ST7: variants seen among roughly 807,000 people sequenced by gnomAD.
ST7 encodes the protein suppression of tumorigenicity 7.
In ST7, 28 loss-of-function variants were observed where a neutral mutation model predicts 78.7. The observed-to-expected ratio is 0.36, with a 90% CI of 0.26 to 0.49. ST7 has a LOEUF of 0.49. ST7 is among the 20% of genes least tolerant of loss of function. The pLI is 0.99. For missense variants in ST7, 418 were observed against 696.0 expected, an observed-to-expected ratio of 0.60 and a Z score of 4.49; for synonymous variants, 247 against 249.6, an observed-to-expected ratio of 0.99 and a Z score of 0.10.
At chr7:116,985,814 C>G (rs1794164994) in intron 1 of ST7, among the ~76,000 whole-genome samples, 1 of 152,164 alleles carries the variant, frequency 6.6e-6, no homozygotes, top group African/African-American at 2.4e-5. Flanking sequence ...GAAATAAATA[C>G]TTTGGTGATT....
intron 5 of ST7, 50 bp from the exon 6 acceptor site, chr7:117,131,835 C>T (rs1804383492): frequency 1.3e-6 from 2 of 1,493,938 alleles, no homozygotes; most frequent in Non-Finnish European, 1.9e-6. Context: ...ACTGAGTCTA[C>T]CTAATTATAT....
rs186087851 is a variant in ST7 at position 116,996,257 on chromosome 7, A to G, written c.151+42566A>G. 3.8e-3 allele frequency among the ~76,000 whole-genome samples: 570 copies of G among 151,874 alleles called. 1 individual carries two copies. Among genetic ancestry groups the G allele is most frequent in the Non-Finnish European group, 6.8e-3 (459 of 67,920 alleles). Reference sequence around the variant, plus strand: ...CCACCACACCCGGCTAATTTTTTGTATTTTTAGTAGAGATGGGGTTTCACT... The same window carrying G: ...CCACCACACCCGGCTAATTTTTTGTGTTTTTAGTAGAGATGGGGTTTCACT... On this transcript the variant is annotated intron_variant, in intron 1 of 15. Transcript: ENST00000323984.
intron 1 of ST7, among the ~76,000 whole-genome samples, chr7:117,008,054 CCAGAGACAAAAAAG>C (rs1396997742): frequency 6.6e-6 from 1 of 152,004 alleles, no homozygotes; most frequent in Non-Finnish European, 1.5e-5. Flanking sequence ...TTTCAAAAAA[CCAGAGACAAAAAAG>C]CAGAGAGGAA....
At chr7:117,042,814 A>C (rs1042992121) in intron 1 of ST7, among the ~76,000 whole-genome samples, 1 of 151,986 alleles carries the variant, frequency 6.6e-6, no homozygotes, top group Non-Finnish European at 1.5e-5. Flanking sequence ...TCTTTGATCC[A>C]GTTAGAGGTT....
intron 9 of ST7, among the ~76,000 whole-genome samples, chr7:117,142,671 G>C (rs1805420034): frequency 6.6e-6 from 1 of 152,112 alleles, no homozygotes; most frequent in Admixed American, 6.5e-5. Context: ...GAATACAGTG[G>C]CATGATCTTG....
chr7:117,020,463 T>C, intron 1 of ST7: 1 of 900,272 alleles, frequency 1.1e-6, no homozygotes, highest in Non-Finnish European at 1.6e-6. Flanking sequence ...GGACACAGCT[T>C]GGACTGCATT....
intron 1 of ST7, among the ~76,000 whole-genome samples, chr7:117,090,103 T>G (rs1249799413): frequency 6.6e-6 from 1 of 152,126 alleles, no homozygotes; most frequent in East Asian, 1.9e-4. Flanking sequence ...TTTCTGAGGG[T>G]TCTACATAGC....
rs946257171 is a variant in ST7, at chr7:117,093,301, A to G, written c.152-6461A>G. Among the ~76,000 whole-genome samples, 7 of 152,336 alleles carry G rather than the reference A, an allele frequency of 4.6e-5. 1 individual carries two copies. In the South Asian group the frequency reaches 1.2e-3, roughly 27 times the overall value. Reference sequence around the variant, plus strand: ...TGTACACTGTAGCACAGTGCTTGGCACATAGAAGATGCTCAGTTAATGCTA... The same window carrying G: ...TGTACACTGTAGCACAGTGCTTGGCGCATAGAAGATGCTCAGTTAATGCTA... On this transcript the variant is annotated intron_variant, in intron 1 of 15. Transcript: ENST00000323984.
intron 1 of ST7, among the ~76,000 whole-genome samples, chr7:116,983,599 T>G (rs971951457): frequency 2.0e-5 from 3 of 152,110 alleles, no homozygotes; most frequent in Admixed American, 2.0e-4. Flanking sequence ...CCCCCTGTTC[T>G]TATACCCTCC....
chr7:117,036,023 G>A (rs1796879305), intron 1 of ST7, among the ~76,000 whole-genome samples: 1 of 152,170 alleles, frequency 6.6e-6, no homozygotes. Context: ...TAGGATATTA[G>A]CGTTATAAGC....
intron 1 of ST7, among the ~76,000 whole-genome samples, chr7:117,090,425 T>A (rs1310690325): frequency 6.6e-6 from 1 of 152,238 alleles, no homozygotes; most frequent in Non-Finnish European, 1.5e-5. Flanking sequence ...TTATCAAACA[T>A]TGAGTACTGT....
intron 15 of ST7, among the ~76,000 whole-genome samples, chr7:117,225,814 G>A (rs1353122842): frequency 3.3e-5 from 5 of 152,188 alleles, no homozygotes; most frequent in African/African-American, 1.2e-4. Context: ...CAGTCCATAA[G>A]GAAGCCCACA....
intron 9 of ST7, among the ~76,000 whole-genome samples, chr7:117,155,322 CCATGT>C (rs1806602396): frequency 6.6e-6 from 1 of 152,140 alleles, no homozygotes; most frequent in Non-Finnish European, 1.5e-5. Flanking sequence ...CAGGGAGCAG[CCATGT>C]CATTTAGGGC....
chr7:117,067,962 C>A (rs1798727663), intron 1 of ST7, among the ~76,000 whole-genome samples: 1 of 152,156 alleles, frequency 6.6e-6, no homozygotes, highest in African/African-American at 2.4e-5. Flanking sequence ...ATGAAGCTGG[C>A]AAAGCTCCTG....
intron 1 of ST7, among the ~76,000 whole-genome samples, chr7:117,011,237 C>T (rs1296569937): frequency 6.6e-6 from 1 of 152,082 alleles, no homozygotes; most frequent in Non-Finnish European, 1.5e-5. Context: ...TCCCTGTAAA[C>T]AGGAGGAGGC....
chr7:117,138,508 G>A lies in ST7; in HGVS notation c.939G>A (p.Arg313=), dbSNP rs767466482. The change falls in exon 9 of 16, where the codon AGG becomes AGA. Residue 313 remains arginine, a synonymous_variant. Transcript: ENST00000323984. ...GTGCCAGAAGACTCGGGAGGACCAG[G>A]GAAGCAGTGAAAATGATGAGAGATG... The part of the protein sequence containing the change: ...AMCARRLGRT[R]EAVKMMRDLM... 3.7e-6 allele frequency: 6 copies of A among 1,606,828 alleles called. No individual in the cohort carries two copies. In the Admixed American group the frequency reaches 1.0e-4, roughly 27 times the overall value.
intron 1 of ST7, among the ~76,000 whole-genome samples, chr7:117,003,788 A>T (rs1470724347): frequency 2.0e-5 from 3 of 152,202 alleles, no homozygotes; most frequent in African/African-American, 7.2e-5. Flanking sequence ...AAAATGTTTC[A>T]TAGGAAGGGG....
At chr7:117,167,736 C>A (rs998137216) in intron 9 of ST7, among the ~76,000 whole-genome samples, 3 of 152,046 alleles carry the variant, frequency 2.0e-5, no homozygotes, top group African/African-American at 7.2e-5. Flanking sequence ...AGAAAAGGAG[C>A]TGTGAGATAA....
intron 1 of ST7, among the ~76,000 whole-genome samples, chr7:117,093,935 T>A (rs746168436): frequency 6.6e-6 from 1 of 152,228 alleles, no homozygotes; most frequent in African/African-American, 2.4e-5. Context: ...ACCAAGAAAG[T>A]AAGTAAACCA....
Sources: gnomAD v4.1 joint callset for allele counts (sites outside exome capture counted in the v4.1 genomes callset) on GRCh38, gnomAD v4.1.1 for gene constraint, MANE v1.5 for transcripts, NCBI Gene and HGNC (gene_info 2026-07-23, HGNC 2026-07-21) for gene names.